Variants in TPRG1 observed in about 807,000 individuals in gnomAD.
TPRG1 encodes tumor protein p63 regulated 1, also known as tumor protein p63-regulated gene 1 protein.
In TPRG1, 29 loss-of-function variants were observed where a neutral mutation model predicts 29.3. That is an observed-to-expected ratio of 0.99 (90% CI 0.74 to 1.35). TPRG1 has a LOEUF of 1.35. Ranked by LOEUF, TPRG1 falls within the 40% of genes most tolerant of loss-of-function variation. The pLI, the probability that TPRG1 is intolerant of heterozygous loss-of-function variation, is 0.00. For synonymous variants in TPRG1, 130 were observed against 116.8 expected (o/e 1.11, Z -0.73); for missense variants, 327 against 335.0 (o/e 0.98, Z 0.19).
chr3:189,242,487 T>C (rs1740770647), intron 4 of TPRG1, among the ~76,000 whole-genome samples: 1 of 152,166 alleles, frequency 6.6e-6, no homozygotes, highest in Non-Finnish European at 1.5e-5. Context: ...TGTGACATAT[T>C]ATTCTTTTTA....
chr3:189,106,233 T>C (rs562944625), intron 1 of TPRG1, among the ~76,000 whole-genome samples: 12 of 152,302 alleles, frequency 7.9e-5, no homozygotes, highest in Admixed American at 2.6e-4. Context: ...CATTCTGGCC[T>C]TCTAGTACCT....
At chr3:189,013,938 G>A (rs1712784880) in intron 3 of TPRG1, among the ~76,000 whole-genome samples, 1 of 152,118 alleles carries the variant, frequency 6.6e-6, no homozygotes, top group Non-Finnish European at 1.5e-5. Flanking sequence ...CATTGCAGTG[G>A]GTGTTGGTTC....
At chr3:189,074,199 CTTTTTTTTTTTTT>C (rs554150288) in intron 4 of TPRG1, among the ~76,000 whole-genome samples, 2 of 68,086 alleles carry the variant, frequency 2.9e-5, no homozygotes, top group South Asian at 4.7e-4. Flanking sequence ...AATTATTTTC[CTTTTTTTTTTTTT>C]TTTTTTTTTT....
chr3:189,053,652 G>A (rs1715474732), intron 4 of TPRG1, among the ~76,000 whole-genome samples: 1 of 152,152 alleles, frequency 6.6e-6, no homozygotes, highest in Admixed American at 6.5e-5. Flanking sequence ...TCTGCCAGGA[G>A]GACGGATTTG....
At chr3:189,018,844 T>C (rs1264968304) in intron 3 of TPRG1, among the ~76,000 whole-genome samples, 2 of 148,784 alleles carry the variant, frequency 1.3e-5, no homozygotes, top group Admixed American at 6.7e-5. Flanking sequence ...TTCATGATAT[T>C]GATTCTTCCT....
At chr3:189,181,078 T>C (rs910734360) in intron 1 of TPRG1, among the ~76,000 whole-genome samples, 2 of 152,160 alleles carry the variant, frequency 1.3e-5, no homozygotes, top group Admixed American at 6.5e-5. Context: ...CTTTCAGCCA[T>C]GGCTGGAGTG....
intron 3 of TPRG1, among the ~76,000 whole-genome samples, chr3:189,219,316 A>G (rs1274792029): frequency 6.6e-6 from 1 of 152,148 alleles, no homozygotes; most frequent in African/African-American, 2.4e-5. Flanking sequence ...AGAGAGTCCA[A>G]GAGGGGCACT....
chr3:189,237,630 A>T (rs1463848626), intron 3 of TPRG1, among the ~76,000 whole-genome samples: 2 of 152,194 alleles, frequency 1.3e-5, no homozygotes, highest in African/African-American at 4.8e-5. Context: ...AGGCCGGATT[A>T]TACAGGCGTG....
intron 4 of TPRG1, among the ~76,000 whole-genome samples, chr3:189,094,077 G>T (rs903667339): frequency 2.6e-5 from 4 of 152,144 alleles, no homozygotes; most frequent in African/African-American, 7.2e-5. Flanking sequence ...TTTCTACCAT[G>T]GGCCTTGCCC....
At chr3:189,225,378 A>G in intron 3 of TPRG1, among the ~76,000 whole-genome samples, 1 of 152,196 alleles carries the variant, frequency 6.6e-6, no homozygotes, top group East Asian at 1.9e-4. Flanking sequence ...CATTGCTTTT[A>G]TGTTGCCTTC....
intron 4 of TPRG1, among the ~76,000 whole-genome samples, chr3:189,086,167 AC>A (rs1717921180): frequency 6.6e-6 from 1 of 152,096 alleles, no homozygotes; most frequent in Admixed American, 6.5e-5. Context: ...AAGCTGAAGA[AC>A]TAGGAGTCTG....
intron 1 of TPRG1, among the ~76,000 whole-genome samples, chr3:189,114,658 A>T (rs1257979462): frequency 6.6e-6 from 1 of 152,144 alleles, no homozygotes; most frequent in African/African-American, 2.4e-5. Flanking sequence ...CCCAGCCACA[A>T]GGAAGAAGAG....
At chr3:189,240,247 C>T (rs1244279967) in intron 4 of TPRG1, 1 of 152,016 alleles carries the variant, frequency 6.6e-6, no homozygotes, top group Admixed American at 6.6e-5. Context: ...AATAATATTA[C>T]ACATTGTAAA....
At chr3:189,280,400 G>A (rs1271834090) in intron 4 of TPRG1, among the ~76,000 whole-genome samples, 1 of 152,104 alleles carries the variant, frequency 6.6e-6, no homozygotes, top group East Asian at 1.9e-4. Flanking sequence ...AATGTTTTTT[G>A]TAAGTATGAG....
rs577767573 is a variant in TPRG1, at chr3:189,137,100, C to A, written c.-291+4403C>A. ...CAAGGTGGTAGAGCTAGGACTCAAA[C>A]CTGGGCTTCCCATTCTGAATCCAAG... is the stretch of plus-strand genomic sequence containing the variant. On this transcript the variant is annotated intron_variant, in intron 3 of 6. Coordinates refer to the TPRG1 transcript ENST00000412373. Among the ~76,000 whole-genome samples the A allele has an allele frequency of 3.9e-5, 6 of 152,294 alleles. No individual in the cohort carries two copies. In the East Asian group the frequency reaches 1.2e-3, roughly 29 times the overall value.
At chr3:189,256,757 T>C (rs1418788055) in intron 4 of TPRG1, among the ~76,000 whole-genome samples, 3 of 152,232 alleles carry the variant, frequency 2.0e-5, no homozygotes, top group African/African-American at 7.2e-5. Context: ...TACCATTATG[T>C]AATGCCCTTC....
At chr3:189,270,406 G>A (rs1387860592) in intron 4 of TPRG1, among the ~76,000 whole-genome samples, 3 of 152,164 alleles carry the variant, frequency 2.0e-5, no homozygotes, top group African/African-American at 7.2e-5. Flanking sequence ...CAGTTCCCTT[G>A]GGCAGTTGCT....
chr3:189,008,933 T>A (rs1301697275), intron 3 of TPRG1, among the ~76,000 whole-genome samples: 1 of 152,172 alleles, frequency 6.6e-6, no homozygotes, highest in African/African-American at 2.4e-5. Flanking sequence ...TACTTTTTCT[T>A]ATCTCTCCAA....
At chr3:189,154,372 G>A (rs924691461) in intron 5 of TPRG1, among the ~76,000 whole-genome samples, 5 of 152,070 alleles carry the variant, frequency 3.3e-5, no homozygotes, top group Non-Finnish European at 7.4e-5. Flanking sequence ...GCTATGGGCT[G>A]AGCCTTATTC....
Sources: allele counts gnomAD v4.1 joint callset (sites outside exome capture counted in the v4.1 genomes callset), GRCh38; gene constraint gnomAD v4.1.1; transcripts MANE v1.5; gene names NCBI Gene and HGNC (gene_info 2026-07-23, HGNC 2026-07-21).